The following ALDH9A1 variants were observed in gnomAD, a reference collection of about 807,000 sequenced individuals.
ALDH9A1 encodes the protein 4-trimethylaminobutyraldehyde dehydrogenase.
Under a neutral mutation model 56.6 loss-of-function variants are expected in ALDH9A1, and 42 were observed. The ratio of observed to expected loss-of-function variants is 0.74; its 90% CI spans 0.58 to 0.96. ALDH9A1 has a LOEUF of 0.96. ALDH9A1 is among the 40% of genes least tolerant of loss of function. ALDH9A1 has a pLI of 0.00. For missense variants in ALDH9A1, 661 were observed against 651.5 expected (o/e 1.01, Z -0.16); for synonymous variants, 242 against 236.0 (o/e 1.03, Z -0.23).
In ALDH9A1 at chr1:165,683,081, C is replaced by T. The variant is rs1354939514; in HGVS notation, c.357G>A (p.Glu119=). 6.2e-7 allele frequency: 1 copy of T among 1,614,018 alleles called. No homozygotes were observed. Among genetic ancestry groups the T allele is most frequent in the South Asian group, 1.1e-5 (1 of 91,086 alleles). Residue 119 remains glutamate, a synonymous_variant, in exon 3 of 11, where the codon GAG becomes GAA. Coordinates refer to ENST00000354775, the MANE Select transcript of ALDH9A1 (RefSeq NM_000696.4). ...AGATGGACTTGCCATTGTTGATGCACTCCATAGTAGCAATTTCATCCTCCC... is the reference window on the plus strand; with the variant it reads ...AGATGGACTTGCCATTGTTGATGCATTCCATAGTAGCAATTTCATCCTCCC... ...REREDEIATM[E]CINNGKSIFE...
rs569286893 is a variant in ALDH9A1 at position 165,691,405 on chromosome 1, T to G, written c.327+3847A>C. On this transcript the variant is annotated intron_variant, in intron 2 of 10. Transcript: ENST00000354775. ...GGTCAGCATCATCAAAAACCAAAGG[T>G]AGATAAAACCACAAAGATGGGGAGA... Among the ~76,000 whole-genome samples, 3 of 152,172 alleles carry G rather than the reference T, an allele frequency of 2.0e-5. No individual in the cohort carries two copies. In the South Asian group the frequency reaches 6.2e-4, roughly 32 times the overall value.
intron 2 of ALDH9A1, among the ~76,000 whole-genome samples, chr1:165,683,548 G>T (rs185342457): frequency 3.9e-5 from 6 of 152,294 alleles, no homozygotes; most frequent in Admixed American, 1.3e-4. Context: ...GTACATGTAC[G>T]TAAATATGTA....
intron 10 of ALDH9A1, among the ~76,000 whole-genome samples, chr1:165,663,873 C>T (rs1648923006): frequency 6.6e-6 from 1 of 152,226 alleles, no homozygotes. Flanking sequence ...CACAGCTGGT[C>T]AGGCCTGTTA....
intron 5 of ALDH9A1, among the ~76,000 whole-genome samples, chr1:165,679,875 C>T (rs574709842): frequency 6.6e-6 from 1 of 152,140 alleles, no homozygotes; most frequent in South Asian, 2.1e-4. Context: ...TAGCCAGGCA[C>T]AGTGGCACAT....
intron 6 of ALDH9A1, among the ~76,000 whole-genome samples, chr1:165,673,925 C>T (rs1469694181): frequency 6.6e-6 from 1 of 152,020 alleles, no homozygotes; most frequent in Non-Finnish European, 1.5e-5. Context: ...CATTCTAAGT[C>T]ACAGGATAAG....
intron 2 of ALDH9A1, among the ~76,000 whole-genome samples, chr1:165,686,516 T>A (rs116221746): frequency 5.4e-3 from 298 of 55,586 alleles, no homozygotes; most frequent in African/African-American, 0.013. Flanking sequence ...TGTTTTTTTT[T>A]TTAAAAAAAA....
chr1:165,682,034 G>A (rs1288161906), intron 4 of ALDH9A1, 73 bp downstream of exon 4: 1 of 1,565,256 alleles, frequency 6.4e-7, no homozygotes, highest in African/African-American at 1.4e-5. Context: ...AGAGGTGAAA[G>A]GTAGAGAATG....
chr1:165,680,366 C>T (rs1472584933), intron 5 of ALDH9A1, 121 bp downstream of exon 5: 9 of 1,054,002 alleles, frequency 8.5e-6, no homozygotes, highest in Non-Finnish European at 1.3e-5. Context: ...AAATCTCCTT[C>T]CCATTCCCAA....
chr1:165,698,363 G>C lies in ALDH9A1; in HGVS notation c.181+15C>G. The stretch of plus-strand genomic sequence containing the variant: ...GCCCCAGGGCGCCCCAGCCTCCCCG[G>C]CTCGTTGCAGTTACCGGTTGCTGGC... On this transcript the variant is annotated intron_variant, in intron 1 of 10. Coordinates refer to ENST00000354775, the MANE Select transcript of ALDH9A1 (RefSeq NM_000696.4). The C allele has an allele frequency of 1.3e-6, 2 of 1,584,714 alleles. No homozygotes were observed. Among genetic ancestry groups the C allele is most frequent in the South Asian group, 1.1e-5 (1 of 88,158 alleles).
At position 165,686,680 on chromosome 1, in the gene ALDH9A1, G is replaced by A. The variant is rs1032992074; in HGVS notation, c.328-3570C>T. On this transcript the variant is annotated intron_variant, in intron 2 of 10. Transcript: ENST00000354775. Reference sequence around the variant, plus strand: ...CTGATCTAAAAGCAAATCTTCCAAGGATCAAACTGATTCCAAGTAACTTCA... The same window carrying A: ...CTGATCTAAAAGCAAATCTTCCAAGAATCAAACTGATTCCAAGTAACTTCA... 2.6e-5 allele frequency among the ~76,000 whole-genome samples: 4 copies of A among 152,026 alleles called. No individual in the cohort carries two copies. In the East Asian group the frequency reaches 5.8e-4, roughly 22 times the overall value.
intron 6 of ALDH9A1, among the ~76,000 whole-genome samples, chr1:165,675,615 T>G (rs561729164): frequency 7.2e-5 from 11 of 152,174 alleles, no homozygotes; most frequent in African/African-American, 2.7e-4. Flanking sequence ...TATCTGTTTT[T>G]GTAAAATTCT....
chr1:165,693,609 T>C (rs1054311293), intron 2 of ALDH9A1, among the ~76,000 whole-genome samples: 11 of 152,206 alleles, frequency 7.2e-5, no homozygotes, highest in African/African-American at 2.7e-4. Flanking sequence ...ACTTTTACAC[T>C]GTTGGTGGGA....
chr1:165,669,888 GA>G (rs1361789363), intron 6 of ALDH9A1, among the ~76,000 whole-genome samples: 1 of 152,064 alleles, frequency 6.6e-6, no homozygotes, highest in African/African-American at 2.4e-5. Context: ...TCACTATTTA[GA>G]CCCTCCTATA....
At chr1:165,694,421 G>C (rs947810379) in intron 2 of ALDH9A1, among the ~76,000 whole-genome samples, 1 of 151,938 alleles carries the variant, frequency 6.6e-6, no homozygotes, top group Admixed American at 6.6e-5. Context: ...TTTGCGATGA[G>C]TATTAAATAC....
Position 165,690,435 on chromosome 1 carries a change from C to T in ALDH9A1, c.327+4817G>A, listed in dbSNP as rs75964951. Among the ~76,000 whole-genome samples the T allele has an allele frequency of 2.1e-3, 323 of 152,176 alleles. 4 individuals are homozygous for T. Among genetic ancestry groups the T allele is most frequent in the African/African-American group, 7.2e-3 (300 of 41,512 alleles). On this transcript the variant is annotated intron_variant, in intron 2 of 10. Transcript: ENST00000354775. ...ATCTTTAAGACTATAAAAAGTTTAA[C>T]TATCAGAGTCCAGAATCAAGATGGC... is the stretch of plus-strand genomic sequence containing the variant.
intron 6 of ALDH9A1, among the ~76,000 whole-genome samples, chr1:165,673,717 T>G (rs1287456075): frequency 6.6e-6 from 1 of 152,150 alleles, no homozygotes; most frequent in Admixed American, 6.5e-5. Flanking sequence ...TAGACAGGAA[T>G]ATCATTGCCC....
intron 10 of ALDH9A1, 126 bp downstream of exon 10, chr1:165,664,892 C>T: frequency 1.4e-6 from 1 of 725,508 alleles, no homozygotes; most frequent in Non-Finnish European, 2.4e-6. Context: ...TGGGGAAGGA[C>T]CAGGAACCTG....
intron 6 of ALDH9A1, among the ~76,000 whole-genome samples, chr1:165,674,685 CAAA>C (rs36011778): frequency 6.9e-5 from 8 of 115,540 alleles, no homozygotes; most frequent in Admixed American, 2.8e-4. Flanking sequence ...GACTCCGAAT[CAAA>C]AAAAAAAAAA....
intron 6 of ALDH9A1, among the ~76,000 whole-genome samples, chr1:165,679,084 A>G (rs938310461): frequency 4.6e-5 from 7 of 152,224 alleles, no homozygotes; most frequent in Non-Finnish European, 7.3e-5. Context: ...TAACAGTACT[A>G]TATCAATGTT....
Sources: allele counts gnomAD v4.1 joint callset (sites outside exome capture counted in the v4.1 genomes callset), GRCh38; gene constraint gnomAD v4.1.1; transcripts MANE v1.5; gene names NCBI Gene and HGNC (gene_info 2026-07-23, HGNC 2026-07-21).